Variants in IQCM observed in about 807,000 individuals in gnomAD.
IQCM encodes the protein IQ motif containing M.
In IQCM, 45 loss-of-function variants were observed where a neutral mutation model predicts 57.6. The observed-to-expected ratio is 0.78, with a 90% CI of 0.62 to 1.00. IQCM has a LOEUF of 1.00. Ranked by LOEUF, IQCM falls within the 50% of genes least tolerant of loss-of-function variation. IQCM has a pLI of 0.00. For synonymous variants in IQCM, 148 were observed against 158.9 expected (o/e 0.93, Z 0.51); for missense variants, 468 against 511.6 (o/e 0.91, Z 0.82).
rs142463910 is a variant in IQCM at position 149,735,000 on chromosome 4, C to A, written c.120+376G>T. ...AATGTATCATGCTAAGGTAATCATG[C>A]TAAGGGTATAGAAGAGACTCATCTC... is the stretch of plus-strand genomic sequence containing the variant. On this transcript the variant is annotated intron_variant, in intron 4 of 13. Coordinates refer to ENST00000636793, the MANE Select transcript of IQCM (RefSeq NM_001363507.2). Among the ~76,000 whole-genome samples the A allele has an allele frequency of 4.5e-3, 686 of 152,164 alleles. 8 individuals carry two copies. Among genetic ancestry groups the A allele is most frequent in the African/African-American group, 0.015 (636 of 41,516 alleles).
chr4:149,388,871 T>C (rs1484879818), intron 13 of IQCM, among the ~76,000 whole-genome samples: 2 of 150,738 alleles, frequency 1.3e-5, no homozygotes, highest in East Asian at 3.9e-4. Context: ...TTCTTATATA[T>C]TGAACACAAG....
At chr4:149,406,380 T>A (rs1732981514) in intron 13 of IQCM, among the ~76,000 whole-genome samples, 1 of 152,016 alleles carries the variant, frequency 6.6e-6, no homozygotes, top group African/African-American at 2.4e-5. Context: ...TGAAGAGAGA[T>A]CTGAAGAATG....
In IQCM at chr4:149,548,565, C is replaced by T. The variant is rs921942824; in HGVS notation, c.1118G>A (p.Arg373Lys). 7.3e-6 allele frequency: 9 copies of T among 1,227,362 alleles called. No individual in the cohort carries two copies. The highest frequency in any genetic ancestry group is 9.1e-6 in the Non-Finnish European group (9 of 983,828). 76.0% of individuals were successfully genotyped at this position (1,227,362 alleles called of 1,614,324 possible). A position where few individuals can be genotyped will look rare whatever the true frequency, so the allele number is the denominator to read the frequency against. Residue 373 changes from arginine (R) to lysine (K), a missense_variant, in exon 12 of 14, where the codon AGG becomes AAG. By Grantham distance (26) the Arg-to-Lys change is conservative. Transcript: ENST00000636793. ...TCTTTCAATTTTTGGCCAATCTTCC[C>T]TCTTAGCAAACATTATTTCATAGAC... is the stretch of plus-strand genomic sequence containing the variant. ...KKFYEIMFAK[R>K]EDWPKIERNE...
intron 10 of IQCM, among the ~76,000 whole-genome samples, chr4:149,559,303 C>T (rs1332025784): frequency 6.6e-6 from 1 of 152,170 alleles, no homozygotes; most frequent in Non-Finnish European, 1.5e-5. Flanking sequence ...CGTTCTCAGA[C>T]ACCAAGTATA....
At chr4:149,386,222 A>C (rs925120607) in intron 13 of IQCM, among the ~76,000 whole-genome samples, 1 of 151,930 alleles carries the variant, frequency 6.6e-6, no homozygotes. Flanking sequence ...ATAATTGAAA[A>C]CTCTGGGTGT....
intron 13 of IQCM, among the ~76,000 whole-genome samples, chr4:149,401,062 C>T (rs1392637177): frequency 6.6e-6 from 1 of 151,604 alleles, no homozygotes; most frequent in Non-Finnish European, 1.5e-5. Context: ...TAATTTAACG[C>T]ATATCTCTTT....
At chr4:149,566,201 G>A (rs761194169) in intron 9 of IQCM, among the ~76,000 whole-genome samples, 1 of 152,232 alleles carries the variant, frequency 6.6e-6, no homozygotes, top group Non-Finnish European at 1.5e-5. Context: ...CTTGTCCGTA[G>A]CATCAAGATC....
At chr4:149,595,768 A>C (rs1324253773) in intron 8 of IQCM, among the ~76,000 whole-genome samples, 1 of 152,164 alleles carries the variant, frequency 6.6e-6, no homozygotes, top group East Asian at 1.9e-4. Context: ...GAATGCAAAC[A>C]AACCACAGGA....
intron 2 of IQCM, among the ~76,000 whole-genome samples, chr4:149,757,569 A>T (rs1304199000): frequency 1.3e-5 from 2 of 152,166 alleles, no homozygotes; most frequent in Non-Finnish European, 2.9e-5. Context: ...TAGATGAAAA[A>T]TTATTAATAG....
rs559075878 is a variant in IQCM at position 149,552,304 on chromosome 4, A to C, written c.1093+839T>G. Among the ~76,000 whole-genome samples the C allele has an allele frequency of 2.0e-5, 3 of 152,304 alleles. No individual in the cohort carries two copies. In the East Asian group the frequency reaches 5.8e-4, roughly 29 times the overall value. ...TCATGGACCTTACAGTCTTAAATGT[A>C]AAATAAATACTGTATGACTAGCTGA... is the stretch of plus-strand genomic sequence containing the variant. On this transcript the variant is annotated intron_variant, in intron 11 of 13. Transcript: ENST00000636793.
intron 5 of IQCM, 145 bp downstream of exon 5, chr4:149,733,099 T>C: frequency 1.4e-6 from 1 of 697,192 alleles, no homozygotes; most frequent in Non-Finnish European, 2.0e-6. Context: ...TTAGCAGCTC[T>C]AATAATCAGG....
intron 13 of IQCM, 102 bp from the exon 14 acceptor site, chr4:149,352,168 G>A (rs982117968): frequency 3.8e-5 from 15 of 395,056 alleles, no homozygotes; most frequent in Middle Eastern, 6.3e-4. Context: ...ACTAATTATG[G>A]TTGTGTTAGA....
chr4:149,657,655 C>A (rs1271073179), intron 7 of IQCM, among the ~76,000 whole-genome samples: 2 of 152,060 alleles, frequency 1.3e-5, no homozygotes, highest in Non-Finnish European at 2.9e-5. Flanking sequence ...TTCTCTATAT[C>A]TTCGTTAATA....
intron 5 of IQCM, among the ~76,000 whole-genome samples, chr4:149,720,468 A>G (rs1422982633): frequency 1.3e-5 from 2 of 152,178 alleles, no homozygotes; most frequent in Non-Finnish European, 2.9e-5. Flanking sequence ...CAGAAGCAAC[A>G]AGTCTCCTGT....
chr4:149,697,074 T>C (rs1763395465), intron 5 of IQCM, among the ~76,000 whole-genome samples: 1 of 151,966 alleles, frequency 6.6e-6, no homozygotes, highest in South Asian at 2.1e-4. Context: ...GATCATAACA[T>C]TCGTCTTTAA....
chr4:149,504,266 C>T (rs1359707417), intron 12 of IQCM, among the ~76,000 whole-genome samples: 4 of 152,152 alleles, frequency 2.6e-5, no homozygotes, highest in Non-Finnish European at 4.4e-5. Context: ...ATGATTTACT[C>T]TTAAATAGTT....
chr4:149,726,087 GA>G (rs1765880289), intron 5 of IQCM, among the ~76,000 whole-genome samples: 1 of 126,328 alleles, frequency 7.9e-6, no homozygotes, highest in Non-Finnish European at 1.8e-5. Flanking sequence ...AAGAAAGAAA[GA>G]AAGAAAGAAA....
intron 13 of IQCM, among the ~76,000 whole-genome samples, chr4:149,404,947 A>T (rs1288978462): frequency 4.6e-5 from 7 of 152,104 alleles, no homozygotes; most frequent in Non-Finnish European, 7.4e-5. Context: ...AATTTTAAAG[A>T]TCTAACAAAC....
intron 13 of IQCM, among the ~76,000 whole-genome samples, chr4:149,413,872 A>C (rs566649524): frequency 6.6e-6 from 1 of 152,184 alleles, no homozygotes; most frequent in East Asian, 1.9e-4. Flanking sequence ...AGAATTTCTT[A>C]CCTTAAAATA....
Sources: allele counts gnomAD v4.1 joint callset (sites outside exome capture counted in the v4.1 genomes callset), GRCh38; gene constraint gnomAD v4.1.1; transcripts MANE v1.5; gene names NCBI Gene and HGNC (gene_info 2026-07-23, HGNC 2026-07-21).